Variants in DAB2IP observed in about 807,000 individuals in gnomAD.
DAB2IP encodes the protein disabled homolog 2-interacting protein.
Under a neutral mutation model 107.2 loss-of-function variants are expected in DAB2IP, and 28 were observed. That is an observed-to-expected ratio of 0.26 (90% CI 0.19 to 0.36). The LOEUF (loss-of-function observed/expected upper bound fraction) is 0.36. DAB2IP is among the 10% of genes least tolerant of loss of function. DAB2IP has a pLI of 1.00. For missense variants in DAB2IP, 1,400 were observed against 1,644.7 expected (o/e 0.85, Z 2.57); for synonymous variants, 755 against 706.4 (o/e 1.07, Z -1.09).
At chr9:121,686,061 AC>A (rs1215565052) in intron 2 of DAB2IP, among the ~76,000 whole-genome samples, 1 of 152,196 alleles carries the variant, frequency 6.6e-6, no homozygotes, top group African/African-American at 2.4e-5. Flanking sequence ...AGCATACTTG[AC>A]CAGGCTAGGA....
intron 1 of DAB2IP, among the ~76,000 whole-genome samples, chr9:121,668,592 C>A (rs1833544199): frequency 1.3e-5 from 2 of 152,068 alleles, no homozygotes; most frequent in African/African-American, 4.8e-5. Context: ...ATTTTCTCTT[C>A]CTTCTATTCT....
chr9:121,741,537 C>T (rs888754696), intron 3 of DAB2IP, among the ~76,000 whole-genome samples: 1 of 152,122 alleles, frequency 6.6e-6, no homozygotes, highest in African/African-American at 2.4e-5. Context: ...GTTTTCAGGC[C>T]TCAAAGGATT....
chr9:121,673,455 A>T (rs754775066), intron 1 of DAB2IP, among the ~76,000 whole-genome samples: 18 of 152,202 alleles, frequency 1.2e-4, no homozygotes, highest in Non-Finnish European at 2.2e-4. Flanking sequence ...CAGAACATGC[A>T]TTCTCAGCAG....
rs1401616142 is a variant in DAB2IP at position 121,776,280 on chromosome 9, AGAC to A, written c.3208_3210del (p.Thr1070del). 1 of 1,581,980 alleles carries A rather than the reference AGAC, an allele frequency of 6.3e-7. No individual in the cohort carries two copies. The highest frequency in any genetic ancestry group is 8.6e-7 in the Non-Finnish European group (1 of 1,164,256). On this transcript the variant is annotated inframe_deletion, in exon 14 of 16. Transcript: ENST00000408936. The surrounding 1 kb of genome is among the most constrained non-coding windows in gnomAD (Gnocchi z 5.4). ...GAGACCCTGTTCAAGTGCCAGGAGGAGACGACGCAGAAGCTGGTGCTGGAGTAC... is the reference window on the plus strand; with the variant it reads ...GAGACCCTGTTCAAGTGCCAGGAGGAGACGCAGAAGCTGGTGCTGGAGTAC...
At chr9:121,611,186 C>G (rs892026859) in intron 1 of DAB2IP, among the ~76,000 whole-genome samples, 1 of 152,216 alleles carries the variant, frequency 6.6e-6, no homozygotes, top group African/African-American at 2.4e-5. Flanking sequence ...GTTGGCCAGG[C>G]TGGTCTCGAA....
At chr9:121,583,005 C>T (rs1830232846) in intron 1 of DAB2IP, among the ~76,000 whole-genome samples, 1 of 152,228 alleles carries the variant, frequency 6.6e-6, no homozygotes, top group African/African-American at 2.4e-5. Context: ...AAGCTTGAGA[C>T]CAGTAACCAG....
chr9:121,760,049 C>G lies in DAB2IP; in HGVS notation c.780C>G (p.Phe260Leu). 2 of 1,614,080 alleles carry G rather than the reference C, an allele frequency of 1.2e-6. No homozygotes were observed. Among genetic ancestry groups the G allele is most frequent in the Non-Finnish European group, 1.7e-6 (2 of 1,180,036 alleles). ...ACAATGTTTTCTGGGGCGAGCACTT[C>G]GAGTTCCACAACTTGCCGCCTCTGC... The change falls in exon 6 of 16, where the codon TTC becomes TTG. Residue 260 changes from phenylalanine (F) to leucine (L), a missense_variant. Physicochemically the swap from Phe to Leu is conservative, Grantham distance 22 (BLOSUM62 0). This residue lies in a region of DAB2IP where 517 missense variants were observed against 748.6 expected (regional missense o/e 0.69). Coordinates refer to ENST00000408936, the Ensembl canonical transcript of DAB2IP. This position sits in a 1 kb window ranked among gnomAD's most constrained non-coding sequence, Gnocchi z 5.9.
At chr9:121,759,101 G>A (rs1833698403) in intron 5 of DAB2IP, 105 bp downstream of exon 5, 1 of 1,191,136 alleles carries the variant, frequency 8.4e-7, no homozygotes, top group Non-Finnish European at 1.2e-6. Flanking sequence ...ATTGGGGGTG[G>A]TCAGCCTGCA....
chr9:121,712,318 A>G (rs968931395), intron 3 of DAB2IP, among the ~76,000 whole-genome samples: 2 of 152,346 alleles, frequency 1.3e-5, no homozygotes, highest in African/African-American at 4.8e-5. Flanking sequence ...TGGTCCCACT[A>G]ACCCTTTTTC....
chr9:121,660,077 C>T (rs13290194), intron 1 of DAB2IP, among the ~76,000 whole-genome samples: 24,634 of 151,890 alleles, frequency 0.16, 2,615 homozygotes, highest in Non-Finnish European at 0.23. Context: ...GTAGGCAGGG[C>T]CTTGAGTGGT....
intron 1 of DAB2IP, among the ~76,000 whole-genome samples, chr9:121,664,901 CA>C (rs1209839108): frequency 6.6e-6 from 1 of 152,202 alleles, no homozygotes; most frequent in Non-Finnish European, 1.5e-5. Context: ...GTAGCTTTCC[CA>C]AATTATAACC....
At chr9:121,778,524 C>G (rs1835367709) in intron 14 of DAB2IP, among the ~76,000 whole-genome samples, 2 of 151,896 alleles carry the variant, frequency 1.3e-5, no homozygotes, top group Non-Finnish European at 2.9e-5. Context: ...CTATTTGTAC[C>G]ATCTGTTCTT....
chr9:121,776,242 G>T lies in DAB2IP; in HGVS notation c.3165G>T (p.Lys1055Asn). Residue 1055 changes from lysine to asparagine, a missense_variant, in exon 14 of 16, where the codon AAG (lysine) becomes AAT (asparagine). By Grantham distance (94) the Lys-to-Asn change is moderately conservative. This residue lies in a region of DAB2IP where 600 missense variants were observed against 659.1 expected (regional missense o/e 0.91). Coordinates refer to ENST00000408936, the Ensembl canonical transcript of DAB2IP. The surrounding 1 kb of genome is among the most constrained non-coding windows in gnomAD (Gnocchi z 5.4). ...ACAAGCTGCGAATCTCCACCAAGAA[G>T]CTGGAGGAGTATGAGACCCTGTTCA... 1 of 1,586,182 alleles carries T rather than the reference G, an allele frequency of 6.3e-7. No individual in the cohort carries two copies. The highest frequency in any genetic ancestry group is 8.6e-7 in the Non-Finnish European group (1 of 1,166,566).
At chr9:121,780,833 TTGTTCTGCCTGCACACC>T (rs1355076495) in intron 14 of DAB2IP, among the ~76,000 whole-genome samples, 2 of 152,136 alleles carry the variant, frequency 1.3e-5, no homozygotes, top group Non-Finnish European at 2.9e-5. Context: ...CTACTGCTCA[TTGTTCTGCCTGCACACC>T]TGTCCTTCAG....
At chr9:121,739,767 G>C (rs957667078) in intron 3 of DAB2IP, among the ~76,000 whole-genome samples, 8 of 152,202 alleles carry the variant, frequency 5.3e-5, no homozygotes, top group African/African-American at 1.9e-4. Flanking sequence ...GGATAGGGCT[G>C]GGGATGCACT....
At position 121,670,599 on chromosome 9, in the gene DAB2IP, CTCTG is replaced by C. The variant is rs200150865; in HGVS notation, c.125-8073_125-8070del. Among the ~76,000 whole-genome samples, 182 of 152,378 alleles carry C rather than the reference CTCTG, an allele frequency of 1.2e-3. 1 individual carries two copies. The East Asian group carries it at 0.033, about 27-fold the overall frequency. On this transcript the variant is annotated intron_variant, in intron 1 of 15. Coordinates refer to ENST00000408936, the Ensembl canonical transcript of DAB2IP. The stretch of plus-strand genomic sequence containing the variant: ...TCCACATTCCTTGGCTCGTGACCAC[CTCTG>C]TCTGTGTCAAAGCTGGCAACAGCAG...
intron 2 of DAB2IP, among the ~76,000 whole-genome samples, chr9:121,687,531 G>C (rs189452192): frequency 1.7e-3 from 259 of 152,340 alleles, no homozygotes; most frequent in East Asian, 3.1e-3. Context: ...CGGGCATTGT[G>C]GGAGAGGCAG....
intron 1 of DAB2IP, among the ~76,000 whole-genome samples, chr9:121,644,303 A>C (rs1382113720): frequency 6.6e-6 from 1 of 151,910 alleles, no homozygotes; most frequent in African/African-American, 2.4e-5. Flanking sequence ...GAAAGAAAAG[A>C]AAGGAAAGAA....
In DAB2IP at chr9:121,760,530, A is replaced by G; in HGVS notation, c.1170+91A>G. On this transcript the variant is annotated intron_variant, in intron 6 of 15. Coordinates refer to ENST00000408936, the Ensembl canonical transcript of DAB2IP. This position sits in a 1 kb window ranked among gnomAD's most constrained non-coding sequence, Gnocchi z 5.9. ...CACATCCGTACATTTCAGGCCTAAC[A>G]GAGGCCTTGGAGGCACCGGTCACTA... is the stretch of plus-strand genomic sequence containing the variant. The G allele has an allele frequency of 7.1e-7, 1 of 1,416,126 alleles. No homozygotes were observed. The highest frequency in any genetic ancestry group is 9.3e-7 in the Non-Finnish European group (1 of 1,074,592). 87.7% of individuals were successfully genotyped at this position (1,416,126 alleles called of 1,614,324 possible). A position where few individuals can be genotyped will look rare whatever the true frequency, so the allele number is the denominator to read the frequency against.
Sources: allele counts gnomAD v4.1 joint callset (sites outside exome capture counted in the v4.1 genomes callset), GRCh38; gene constraint gnomAD v4.1.1; regional missense constraint gnomAD v4.1.1; non-coding constraint Gnocchi (gnomAD v3.1); transcripts MANE v1.5; gene names NCBI Gene and HGNC (gene_info 2026-07-23, HGNC 2026-07-21).